The following IFT88 variants were observed in gnomAD, a reference collection of about 807,000 sequenced individuals.
IFT88 encodes intraflagellar transport protein 88 homolog.
In IFT88, 74 loss-of-function variants were observed where a neutral mutation model predicts 119.5. That is an observed-to-expected ratio of 0.62 (90% CI 0.51 to 0.75). IFT88 has a LOEUF of 0.75. Among genes scored for constraint, IFT88 ranks in the 30% least tolerant of loss-of-function variants. The pLI is 0.00. For synonymous variants in IFT88, 279 were observed against 316.7 expected (o/e 0.88, Z 1.26); for missense variants, 961 against 977.7 (o/e 0.98, Z 0.23).
chr13:20,600,300 A>G (rs2042383227), intron 11 of IFT88, among the ~76,000 whole-genome samples: 1 of 152,134 alleles, frequency 6.6e-6, no homozygotes, highest in African/African-American at 2.4e-5. Flanking sequence ...ATTGAGTAAC[A>G]TATATTAAGT....
chr13:20,638,288 G>A (rs770218497), intron 16 of IFT88, 44 bp from the exon 17 acceptor site: 14 of 1,028,412 alleles, frequency 1.4e-5, no homozygotes, highest in South Asian at 1.1e-4. Flanking sequence ...GTCAGAAAAG[G>A]TATTTCATGA....
Position 20,638,312 on chromosome 13 carries a change from T to A in IFT88, c.1387-20T>A. The A allele has an allele frequency of 7.1e-6, 9 of 1,260,730 alleles. No homozygotes were observed. The highest frequency in any genetic ancestry group is 9.3e-6 in the Non-Finnish European group (9 of 970,014). The allele number at this position is 1,260,730 out of a possible 1,614,324, so 78.1% of individuals were successfully genotyped here. ...GGTATTTCATGAAATTCAAATAATT[T>A]GTATATGTATTTTACTTAGGGAAAG... On this transcript the variant is annotated intron_variant, in intron 16 of 25. Coordinates refer to ENST00000351808, the MANE Select transcript of IFT88 (RefSeq NM_006531.5).
chr13:20,634,528 C>T (rs1317136869), intron 16 of IFT88, among the ~76,000 whole-genome samples: 3 of 151,976 alleles, frequency 2.0e-5, no homozygotes, highest in African/African-American at 4.8e-5. Flanking sequence ...GGTGAAACCT[C>T]GTCTCTACTA....
In IFT88 at chr13:20,638,486, A is replaced by G; in HGVS notation, c.1541A>G (p.Asp514Gly). ...AEFYKEALRN[D>G]SSCTEALYNI... ...TTCTATAAAGAGGCTCTAAGAAATG[A>G]TTCTTCTTGTACTGAAGCACTTTAT... The change falls in exon 17 of 26, where the codon GAT (aspartate) becomes GGT (glycine). Residue 514 changes from aspartate (D) to glycine (G), a missense_variant. Physicochemically the swap from Asp to Gly is moderately conservative, Grantham distance 94. Coordinates refer to ENST00000351808, the MANE Select transcript of IFT88 (RefSeq NM_006531.5). 6.6e-7 allele frequency: 1 copy of G among 1,514,444 alleles called. No homozygotes were observed. Among genetic ancestry groups the G allele is most frequent in the East Asian group, 2.5e-5 (1 of 40,348 alleles). The allele number at this position is 1,514,444 out of a possible 1,614,324, so 93.8% of individuals were successfully genotyped here.
chr13:20,641,248 A>T, intron 17 of IFT88, 42 bp from the exon 18 acceptor site: 1 of 1,028,834 alleles, frequency 9.7e-7, no homozygotes, highest in Non-Finnish European at 1.5e-6. Flanking sequence ...TAATACCAAT[A>T]ATGATACTTA....
intron 24 of IFT88, among the ~76,000 whole-genome samples, chr13:20,679,996 G>T (rs935124993): frequency 1.3e-5 from 2 of 152,080 alleles, no homozygotes; most frequent in Non-Finnish European, 2.9e-5. Context: ...CCCCTTTAGG[G>T]GACCAATCAA....
At chr13:20,590,708 A>G (rs1336489509) in intron 4 of IFT88, among the ~76,000 whole-genome samples, 1 of 152,176 alleles carries the variant, frequency 6.6e-6, no homozygotes, top group East Asian at 1.9e-4. Flanking sequence ...TTGTAAAGCA[A>G]AAGCAGCCAC....
At chr13:20,626,177 C>T (rs1485339141) in intron 15 of IFT88, among the ~76,000 whole-genome samples, 1 of 149,852 alleles carries the variant, frequency 6.7e-6, no homozygotes, top group Non-Finnish European at 1.5e-5. Context: ...TCTTCTGCCT[C>T]AGCCTCCCGA....
At chr13:20,668,075 T>C (rs1459789197) in intron 23 of IFT88, among the ~76,000 whole-genome samples, 1 of 152,212 alleles carries the variant, frequency 6.6e-6, no homozygotes, top group Admixed American at 6.5e-5. Context: ...ACACCCCTCC[T>C]GGCTTCCTTC....
chr13:20,609,068 T>G (rs77707524), intron 13 of IFT88, among the ~76,000 whole-genome samples: 128 of 152,304 alleles, frequency 8.4e-4, no homozygotes, highest in African/African-American at 2.8e-3. Context: ...TGTTGCATTT[T>G]TCTAGGGAAT....
chr13:20,632,950 A>T (rs2048423798), intron 16 of IFT88, among the ~76,000 whole-genome samples: 1 of 152,216 alleles, frequency 6.6e-6, no homozygotes, highest in African/African-American at 2.4e-5. Context: ...GAAAGGTATC[A>T]TATCCCTCAT....
chr13:20,663,654 G>A, intron 23 of IFT88, 50 bp downstream of exon 23: 1 of 1,268,618 alleles, frequency 7.9e-7, no homozygotes, highest in Non-Finnish European at 1.1e-6. Context: ...TAGAATGTCA[G>A]CCTTCTATAG....
intron 1 of IFT88, among the ~76,000 whole-genome samples, chr13:20,570,416 G>T (rs575864382): frequency 6.6e-6 from 1 of 152,072 alleles, no homozygotes; most frequent in African/African-American, 2.4e-5. Context: ...GCTAAAACTT[G>T]TACACACACA....
chr13:20,641,351 C>T lies in IFT88; in HGVS notation c.1635C>T (p.His545=), dbSNP rs760378083. Reference sequence around the variant, plus strand: ...CTTTGGACTGTTTCCTGAAACTTCACGCAATCCTACGAAACAGTGCCGAAG... The same window carrying T: ...CTTTGGACTGTTTCCTGAAACTTCATGCAATCCTACGAAACAGTGCCGAAG... ...DEALDCFLKL[H]AILRNSAEVL... Residue 545 remains histidine, a synonymous_variant, in exon 18 of 26, where the codon CAC becomes CAT. Transcript: ENST00000351808. The T allele has an allele frequency of 6.8e-6, 11 of 1,612,158 alleles. No individual in the cohort carries two copies. The East Asian group carries it at 1.3e-4, about 20-fold the overall frequency.
chr13:20,624,948 T>C (rs911100275), intron 14 of IFT88, among the ~76,000 whole-genome samples: 2 of 152,224 alleles, frequency 1.3e-5, no homozygotes, highest in Non-Finnish European at 2.9e-5. Context: ...TATAATATAT[T>C]ATTAACCATA....
chr13:20,593,648 T>TA (rs1043072326), intron 7 of IFT88, among the ~76,000 whole-genome samples: 2 of 152,152 alleles, frequency 1.3e-5, no homozygotes, highest in African/African-American at 4.8e-5. Context: ...TGTTATTTTT[T>TA]ATCTTAATTA....
At chr13:20,600,471 C>A (rs1014696845) in intron 11 of IFT88, among the ~76,000 whole-genome samples, 2 of 151,798 alleles carry the variant, frequency 1.3e-5, no homozygotes, top group Admixed American at 1.3e-4. Flanking sequence ...AAAGGCAACA[C>A]CTGAGACCAG....
chr13:20,667,586 T>C (rs2054933845), intron 23 of IFT88, among the ~76,000 whole-genome samples: 2 of 137,414 alleles, frequency 1.5e-5, no homozygotes, highest in Non-Finnish European at 1.5e-5. Flanking sequence ...TTCACAGTTT[T>C]TTGTTTTTGT....
chr13:20,601,967 C>G lies in IFT88; in HGVS notation c.1041+34C>G, dbSNP rs755763144. 15 of 1,181,612 alleles carry G rather than the reference C, an allele frequency of 1.3e-5. No individual in the cohort carries two copies. The East Asian group carries it at 3.1e-4, about 25-fold the overall frequency. 73.2% of individuals were successfully genotyped at this position (1,181,612 alleles called of 1,614,324 possible). On this transcript the variant is annotated intron_variant, in intron 12 of 25. Transcript: ENST00000351808. Reference sequence around the variant, plus strand: ...GAAAAAGACATTTCTGTAGCCACTTCCCACTTATCTGTGCTTTTCTGTTTT... The same window carrying G: ...GAAAAAGACATTTCTGTAGCCACTTGCCACTTATCTGTGCTTTTCTGTTTT...
Sources: allele counts gnomAD v4.1 joint callset (sites outside exome capture counted in the v4.1 genomes callset), GRCh38; gene constraint gnomAD v4.1.1; transcripts MANE v1.5; gene names NCBI Gene and HGNC (gene_info 2026-07-23, HGNC 2026-07-21).